The following PIEZO2 variants were observed in gnomAD, a reference collection of about 807,000 sequenced individuals.
PIEZO2 encodes piezo type mechanosensitive ion channel component 2, also known as piezo-type mechanosensitive ion channel component 2.
In PIEZO2, 172 loss-of-function variants were observed where a neutral mutation model predicts 337.3. The ratio of observed to expected loss-of-function variants is 0.51; its 90% confidence interval spans 0.45 to 0.58. The LOEUF (loss-of-function observed/expected upper bound fraction) is 0.58. PIEZO2 is among the 20% of genes least tolerant of loss of function. The pLI, the probability that PIEZO2 is intolerant of heterozygous loss-of-function variation, is 0.00. For synonymous variants in PIEZO2, 1,251 were observed against 1,228.5 expected, an observed-to-expected ratio of 1.02 and a Z score of -0.38; for missense variants, 3,028 against 3,391.3, an observed-to-expected ratio of 0.89 and a Z score of 2.66.
At chr18:10,792,105 C>T (rs1304127170) in intron 13 of PIEZO2, among the ~76,000 whole-genome samples, 1 of 152,160 alleles carries the variant, frequency 6.6e-6, no homozygotes, top group African/African-American at 2.4e-5. Context: ...CACCACCACA[C>T]CCGGCTAGTT....
chr18:11,082,910 A>C (rs1221761343), intron 1 of PIEZO2, among the ~76,000 whole-genome samples: 2 of 152,218 alleles, frequency 1.3e-5, no homozygotes, highest in Non-Finnish European at 2.9e-5. Context: ...AAAGACCACA[A>C]TTTGATTCTA....
chr18:10,987,098 T>G (rs2034905107), intron 2 of PIEZO2, among the ~76,000 whole-genome samples: 1 of 152,044 alleles, frequency 6.6e-6, no homozygotes, highest in Non-Finnish European at 1.5e-5. Flanking sequence ...GTTCATGGAC[T>G]GGAATAATTA....
Position 11,105,672 on chromosome 18 carries a change from A to G in PIEZO2, c.65-39450T>C, listed in dbSNP as rs569240149. ...GAAGCCGCTACAAAGCAATATTTCA[A>G]CATCACGTGTCCTCTGAAAGCCTGA... is the stretch of plus-strand genomic sequence containing the variant. On this transcript the variant is annotated intron_variant, in intron 1 of 55. Coordinates refer to ENST00000674853, the MANE Select transcript of PIEZO2 (RefSeq NM_001378183.1). This position sits in a 1 kb window ranked among gnomAD's most constrained non-coding sequence, Gnocchi z 4.3. 6.6e-6 allele frequency among the ~76,000 whole-genome samples: 1 copy of G among 152,292 alleles called. No individual in the cohort carries two copies. Among genetic ancestry groups the G allele is most frequent in the East Asian group, 1.9e-4 (1 of 5,168 alleles).
intron 4 of PIEZO2, among the ~76,000 whole-genome samples, chr18:10,910,264 T>G (rs1228082597): frequency 6.6e-6 from 1 of 152,182 alleles, no homozygotes; most frequent in African/African-American, 2.4e-5. Context: ...ATGCTAACAT[T>G]CATTCCAAGG....
At chr18:11,051,191 A>G (rs2145850194) in intron 2 of PIEZO2, among the ~76,000 whole-genome samples, 1 of 152,328 alleles carries the variant, frequency 6.6e-6, no homozygotes, top group South Asian at 2.1e-4. Flanking sequence ...TTCATCTGCC[A>G]CTGTGGGGTT....
At chr18:11,056,608 A>T (rs560417881) in intron 2 of PIEZO2, among the ~76,000 whole-genome samples, 128 of 152,262 alleles carry the variant, frequency 8.4e-4, no homozygotes, top group African/African-American at 3.0e-3. Context: ...ATGGACCAAA[A>T]GGAATGTTGA....
chr18:10,724,665 C>A lies in PIEZO2; in HGVS notation c.5030-6406G>T, dbSNP rs2036455637. The A allele has an allele frequency of 1.1e-6, 1 of 879,104 alleles. No homozygotes were observed. The highest frequency in any genetic ancestry group is 1.8e-6 in the Non-Finnish European group (1 of 557,460). 54.5% of individuals were successfully genotyped at this position (879,104 alleles called of 1,614,324 possible). A position where few individuals can be genotyped will look rare whatever the true frequency, so the allele number is the denominator to read the frequency against. On this transcript the variant is annotated intron_variant, in intron 36 of 55. Coordinates refer to ENST00000674853, the MANE Select transcript of PIEZO2 (RefSeq NM_001378183.1). This position sits in a 1 kb window ranked among gnomAD's most constrained non-coding sequence, Gnocchi z 5.8. Reference sequence around the variant, plus strand: ...AGGCGTATGATCAGGCACCCACCAGCCCACCTACCAGTCTGCTGTCCCTGC... The same window carrying A: ...AGGCGTATGATCAGGCACCCACCAGACCACCTACCAGTCTGCTGTCCCTGC...
intron 3 of PIEZO2, among the ~76,000 whole-genome samples, chr18:10,932,339 T>C (rs1259589182): frequency 1.3e-5 from 2 of 152,082 alleles, no homozygotes; most frequent in Admixed American, 6.6e-5. Context: ...GAGCCAGCAG[T>C]GAGCCATGAC....
At chr18:10,890,222 C>G (rs1325742911) in intron 4 of PIEZO2, among the ~76,000 whole-genome samples, 2 of 152,198 alleles carry the variant, frequency 1.3e-5, no homozygotes, top group Admixed American at 1.3e-4. Flanking sequence ...AGGACACAGT[C>G]TCAGGGTCTC....
intron 38 of PIEZO2, 140 bp from the exon 39 acceptor site, chr18:10,715,070 G>T: frequency 1.3e-6 from 1 of 779,294 alleles, no homozygotes; most frequent in South Asian, 2.1e-5. Context: ...AGTGGGGATT[G>T]ATGTCGACTC....
chr18:10,820,858 T>A (rs1364047601), intron 7 of PIEZO2, among the ~76,000 whole-genome samples: 1 of 152,198 alleles, frequency 6.6e-6, no homozygotes, highest in African/African-American at 2.4e-5. Flanking sequence ...CACGGTATGA[T>A]TAGCTCAGTC....
At chr18:11,100,873 G>A (rs35077485) in intron 1 of PIEZO2, among the ~76,000 whole-genome samples, 15,701 of 152,174 alleles carry the variant, frequency 0.1, 952 homozygotes, top group East Asian at 0.22. Context: ...GGGATTACAG[G>A]CATGAGCCAC....
intron 1 of PIEZO2, among the ~76,000 whole-genome samples, chr18:11,135,760 A>G (rs1422867423): frequency 6.6e-6 from 1 of 152,142 alleles, no homozygotes; most frequent in African/African-American, 2.4e-5. Flanking sequence ...GTTGGCCAGG[A>G]TGGTCTCAAT....
intron 49 of PIEZO2, among the ~76,000 whole-genome samples, chr18:10,688,049 T>A (rs574962064): frequency 7.2e-5 from 11 of 152,366 alleles, no homozygotes; most frequent in African/African-American, 2.4e-4. Flanking sequence ...GTAGGTTTGT[T>A]ACATAGGTAT....
chr18:10,943,885 C>G lies in PIEZO2; in HGVS notation c.287-32657G>C, dbSNP rs1320044993. 6.6e-6 allele frequency among the ~76,000 whole-genome samples: 1 copy of G among 152,130 alleles called. No individual in the cohort carries two copies. The highest frequency in any genetic ancestry group is 6.5e-5 in the Admixed American group (1 of 15,276). ...GCTGTTCTCATGATAGTGAATGGGTCTCACGAGATCTGATGGCTTTAAAAA... is the reference window on the plus strand; with the variant it reads ...GCTGTTCTCATGATAGTGAATGGGTGTCACGAGATCTGATGGCTTTAAAAA... On this transcript the variant is annotated intron_variant, in intron 3 of 55. Transcript: ENST00000674853. This position sits in a 1 kb window ranked among gnomAD's most constrained non-coding sequence, Gnocchi z 4.5.
In PIEZO2 at chr18:11,036,248, G is replaced by A. The variant is rs144674500; in HGVS notation, c.160+29879C>T. On this transcript the variant is annotated intron_variant, in intron 2 of 55. Coordinates refer to ENST00000674853, the MANE Select transcript of PIEZO2 (RefSeq NM_001378183.1). ...GAGGTTATAAGAATGTGGTTTCACA[G>A]CATCTCACTGTGTCCTCTTCCTGGG... Among the ~76,000 whole-genome samples, 5 of 152,296 alleles carry A rather than the reference G, an allele frequency of 3.3e-5. No individual in the cohort carries two copies. In the East Asian group the frequency reaches 7.7e-4, roughly 23 times the overall value.
intron 4 of PIEZO2, among the ~76,000 whole-genome samples, chr18:10,907,897 A>G (rs2030101955): frequency 1.3e-5 from 2 of 152,256 alleles, no homozygotes; most frequent in Admixed American, 6.5e-5. Flanking sequence ...TTATGTAGAT[A>G]TTACTAATGT....
intron 7 of PIEZO2, among the ~76,000 whole-genome samples, chr18:10,812,969 G>T (rs1015978493): frequency 2.0e-5 from 3 of 148,764 alleles, no homozygotes; most frequent in Non-Finnish European, 4.4e-5. Flanking sequence ...ATAACATAAA[G>T]CTGATTATTT....
chr18:10,831,373 C>A (rs2040837674), intron 7 of PIEZO2, among the ~76,000 whole-genome samples: 1 of 152,176 alleles, frequency 6.6e-6, no homozygotes. Context: ...CCATTTGCAG[C>A]AACATGGATG....
Sources: allele counts gnomAD v4.1 joint callset (sites outside exome capture counted in the v4.1 genomes callset), GRCh38; gene constraint gnomAD v4.1.1; non-coding constraint Gnocchi (gnomAD v3.1); transcripts MANE v1.5; gene names NCBI Gene and HGNC (gene_info 2026-07-23, HGNC 2026-07-21).